The following UTP18 variants were observed in gnomAD, a reference collection of about 807,000 sequenced individuals.
The protein encoded by UTP18 is UTP18 small subunit processome component.
A neutral mutation model predicts 61.1 loss-of-function variants in UTP18; 36 were observed. The ratio of observed to expected loss-of-function variants is 0.59; its 90% CI spans 0.45 to 0.78. The LOEUF is 0.78. Ranked by LOEUF, UTP18 falls within the 30% of genes least tolerant of loss-of-function variation. The pLI is 0.00. For missense variants in UTP18, 753 were observed against 693.9 expected (o/e 1.09, Z -0.96); for synonymous variants, 282 against 251.1 (o/e 1.12, Z -1.16).
intron 1 of UTP18, among the ~76,000 whole-genome samples, chr17:51,261,310 A>G (rs1394632996): frequency 6.6e-6 from 1 of 152,198 alleles, no homozygotes; most frequent in Non-Finnish European, 1.5e-5. Flanking sequence ...GATGGAATCA[A>G]TTCGTGGGCA....
Position 51,260,615 on chromosome 17 carries a change from C to A in UTP18, c.31C>A (p.Leu11Met), listed in dbSNP as rs757348078. The change falls in exon 1 of 14, where the codon CTG becomes ATG. Residue 11 changes from leucine to methionine, a missense_variant. Transcript: ENST00000225298. ...GCCGGAGCGGAGGAGACGAATGAAA[C>A]TGGACCGGAGAACCGGAGCGAAGCC... MPPERRRRMK[L>M]DRRTGAKPKR... 5 of 1,612,724 alleles carry A rather than the reference C, an allele frequency of 3.1e-6. No homozygotes were observed. In the South Asian group the frequency reaches 5.5e-5, roughly 18 times the overall value.
At chr17:51,297,363 T>C (rs1236351506) in intron 13 of UTP18, among the ~76,000 whole-genome samples, 2 of 152,176 alleles carry the variant, frequency 1.3e-5, no homozygotes, top group African/African-American at 4.8e-5. Flanking sequence ...AATCCTCTTA[T>C]TATATATATG....
At chr17:51,282,561 T>C (rs1328274778) in intron 9 of UTP18, among the ~76,000 whole-genome samples, 6 of 151,532 alleles carry the variant, frequency 4.0e-5, no homozygotes, top group African/African-American at 1.5e-4. Context: ...AGAGTAATAT[T>C]CCTGATGAAA....
At chr17:51,279,351 C>T (rs16949750) in intron 7 of UTP18, among the ~76,000 whole-genome samples, 3,502 of 152,184 alleles carry the variant, frequency 0.023, 58 homozygotes, top group Non-Finnish European at 0.031. Flanking sequence ...ACCTTTCAGT[C>T]ATGGAAAAAG....
chr17:51,284,305 TAGTG>T (rs1468664253), intron 9 of UTP18, among the ~76,000 whole-genome samples: 2 of 152,122 alleles, frequency 1.3e-5, no homozygotes, highest in Non-Finnish European at 1.5e-5. Flanking sequence ...AGACGTAAAA[TAGTG>T]AGGATCCACT....
chr17:51,270,162 T>C (rs1010196942), intron 4 of UTP18, among the ~76,000 whole-genome samples: 6 of 152,316 alleles, frequency 3.9e-5, no homozygotes, highest in Middle Eastern at 3.4e-3. Flanking sequence ...AAACTGTTTT[T>C]TCCCCTTCTT....
At chr17:51,280,594 A>G (rs1904882249) in intron 9 of UTP18, 115 bp downstream of exon 9, 1 of 895,972 alleles carries the variant, frequency 1.1e-6, no homozygotes, top group Middle Eastern at 2.8e-4. Flanking sequence ...TGGGCAGATC[A>G]CTTGAGGTCA....
intron 4 of UTP18, among the ~76,000 whole-genome samples, chr17:51,273,076 T>A (rs1349522700): frequency 6.6e-6 from 1 of 152,244 alleles, no homozygotes; most frequent in Admixed American, 6.5e-5. Flanking sequence ...TTTCACTTCA[T>A]CTTGTTTTAG....
At chr17:51,261,882 T>C (rs1300155036) in intron 1 of UTP18, among the ~76,000 whole-genome samples, 3 of 152,034 alleles carry the variant, frequency 2.0e-5, no homozygotes, top group Non-Finnish European at 4.4e-5. Flanking sequence ...AGCAATCTTT[T>C]TGGGAAGTAC....
chr17:51,280,896 G>A (rs1017184269), intron 9 of UTP18, among the ~76,000 whole-genome samples: 1 of 151,826 alleles, frequency 6.6e-6, no homozygotes, highest in African/African-American at 2.4e-5. Flanking sequence ...AAAAACCTAG[G>A]ACCAGGCGCG....
In UTP18 at chr17:51,269,518, C is replaced by G. The variant is rs78636697; in HGVS notation, c.622+614C>G. 3.5e-3 allele frequency among the ~76,000 whole-genome samples: 537 copies of G among 152,088 alleles called. 7 individuals are homozygous for G. The highest frequency in any genetic ancestry group is 0.012 in the African/African-American group (491 of 41,460). ...AAATCCTGAGAGTCCGGAGTATATC[C>G]TCTCACATCATGTGGGAGCTCCTTC... On this transcript the variant is annotated intron_variant, in intron 4 of 13. Transcript: ENST00000225298.
intron 13 of UTP18, 71 bp downstream of exon 13, chr17:51,297,074 A>G: frequency 1.5e-6 from 2 of 1,318,232 alleles, no homozygotes; most frequent in Non-Finnish European, 2.1e-6. Flanking sequence ...TGGTGGAAGC[A>G]GCACATTAGC....
intron 12 of UTP18, 137 bp from the exon 13 acceptor site, chr17:51,296,828 C>G (rs2144452782): frequency 5.2e-6 from 4 of 761,916 alleles, no homozygotes; most frequent in African/African-American, 3.6e-5. Context: ...GGAGTCTGAA[C>G]CTAACTGCCT....
chr17:51,261,115 G>A (rs1351614343), intron 1 of UTP18, among the ~76,000 whole-genome samples, 189 bp downstream of exon 1: 2 of 152,250 alleles, frequency 1.3e-5, no homozygotes, highest in Non-Finnish European at 2.9e-5. Flanking sequence ...GACTGAAAGT[G>A]CCTGGAGGGC....
intron 10 of UTP18, 45 bp from the exon 11 acceptor site, chr17:51,287,984 C>G: frequency 7.0e-7 from 1 of 1,427,920 alleles, no homozygotes; most frequent in East Asian, 2.5e-5. Flanking sequence ...TGTGAAAGCC[C>G]TTTTACTTGG....
intron 12 of UTP18, among the ~76,000 whole-genome samples, chr17:51,295,764 G>C (rs758857999): frequency 9.2e-5 from 14 of 152,204 alleles, no homozygotes; most frequent in Non-Finnish European, 1.8e-4. Flanking sequence ...GATGGGGATG[G>C]CATTGAATCT....
chr17:51,266,301 G>A (rs1468091957), intron 3 of UTP18, 21 bp downstream of exon 3: 2 of 1,545,786 alleles, frequency 1.3e-6, no homozygotes, highest in Non-Finnish European at 1.7e-6. Context: ...TTTTTCATAT[G>A]ATTTACCAAG....
intron 2 of UTP18, among the ~76,000 whole-genome samples, chr17:51,265,363 A>G (rs965088588): frequency 6.6e-6 from 1 of 151,278 alleles, no homozygotes; most frequent in African/African-American, 2.4e-5. Flanking sequence ...TCCCAGGTTC[A>G]AGTGATTCAC....
chr17:51,293,793 A>G (rs187683485), intron 11 of UTP18, 110 bp from the exon 12 acceptor site: 1 of 959,906 alleles, frequency 1.0e-6, no homozygotes, highest in South Asian at 2.6e-5. Context: ...CTTGTGTGCT[A>G]CAATCAAAAT....
Sources: gnomAD v4.1 joint callset for allele counts (sites outside exome capture counted in the v4.1 genomes callset) on GRCh38, gnomAD v4.1.1 for gene constraint, MANE v1.5 for transcripts, NCBI Gene and HGNC (gene_info 2026-07-23, HGNC 2026-07-21) for gene names.